DENND2A: variants seen among roughly 807,000 people sequenced by gnomAD.
The protein encoded by DENND2A is DENN domain-containing protein 2A.
A neutral mutation model predicts 105.3 loss-of-function variants in DENND2A; 53 were observed. The observed-to-expected ratio is 0.50, with a 90% confidence interval of 0.40 to 0.63. The LOEUF is 0.63. Among genes scored for constraint, DENND2A ranks in the 30% least tolerant of loss-of-function variants. The pLI, the probability that DENND2A is intolerant of heterozygous loss-of-function variation, is 0.00. For missense variants in DENND2A, 1,138 were observed against 1,279.6 expected (o/e 0.89, Z 1.69); for synonymous variants, 522 against 508.4 (o/e 1.03, Z -0.36).
chr7:140,608,282 G>T (rs183017087), intron 1 of DENND2A, among the ~76,000 whole-genome samples: 1 of 152,174 alleles, frequency 6.6e-6, no homozygotes, highest in African/African-American at 2.4e-5. Context: ...GAACCCCCCT[G>T]AACACTCAGC....
intron 1 of DENND2A, among the ~76,000 whole-genome samples, chr7:140,632,969 C>T (rs1273633197): frequency 6.6e-6 from 1 of 150,810 alleles, no homozygotes; most frequent in Non-Finnish European, 1.5e-5. Context: ...TCAAGCGATT[C>T]TCCTGCCTCA....
chr7:140,574,881 G>A (rs572751844), intron 5 of DENND2A, among the ~76,000 whole-genome samples: 28 of 151,968 alleles, frequency 1.8e-4, no homozygotes, highest in African/African-American at 6.3e-4. Context: ...TTAGCCAGGC[G>A]TGGTGGCGGG....
intron 14 of DENND2A, among the ~76,000 whole-genome samples, chr7:140,533,273 G>T (rs1796333185): frequency 6.6e-6 from 1 of 152,204 alleles, no homozygotes; most frequent in African/African-American, 2.4e-5. Context: ...TTACAGGCGT[G>T]AGCCACTGCA....
At chr7:140,597,529 A>T (rs545050272) in intron 3 of DENND2A, among the ~76,000 whole-genome samples, 24 of 152,238 alleles carry the variant, frequency 1.6e-4, no homozygotes, top group Non-Finnish European at 2.8e-4. Context: ...AATTGTTAAA[A>T]CACAGCTGAT....
intron 1 of DENND2A, among the ~76,000 whole-genome samples, chr7:140,617,190 C>T (rs1250457363): frequency 6.6e-6 from 1 of 152,214 alleles, no homozygotes; most frequent in Non-Finnish European, 1.5e-5. Flanking sequence ...GTAAATGCTT[C>T]TGTTTCAGAG....
chr7:140,605,444 T>C (rs1334447769), intron 2 of DENND2A, among the ~76,000 whole-genome samples: 3 of 152,182 alleles, frequency 2.0e-5, no homozygotes, highest in Non-Finnish European at 4.4e-5. Flanking sequence ...AAACCCAGAA[T>C]TGGAATGCGT....
chr7:140,542,599 T>C (rs1796714185), intron 14 of DENND2A, among the ~76,000 whole-genome samples: 1 of 150,176 alleles, frequency 6.7e-6, no homozygotes, highest in Non-Finnish European at 1.5e-5. Context: ...AGTTTCACTC[T>C]TGTTGCCCAG....
At position 140,537,888 on chromosome 7, in the gene DENND2A, T is replaced by C. The variant is rs145264758; in HGVS notation, c.2327+6730A>G. On this transcript the variant is annotated intron_variant, in intron 14 of 19. Transcript: ENST00000496613. ...CTGGTCTGTAGGTTTAGCCAAAACTTTGGGGAACTGAAATTAGTAAAGTAA... is the reference window on the plus strand; with the variant it reads ...CTGGTCTGTAGGTTTAGCCAAAACTCTGGGGAACTGAAATTAGTAAAGTAA... Among the ~76,000 whole-genome samples the C allele has an allele frequency of 6.2e-4, 94 of 152,272 alleles. 3 individuals carry two copies. Among genetic ancestry groups the C allele is most frequent in the African/African-American group, 2.1e-3 (89 of 41,558 alleles).
At chr7:140,582,447 A>G (rs751426118) in intron 5 of DENND2A, among the ~76,000 whole-genome samples, 44 of 152,318 alleles carry the variant, frequency 2.9e-4, no homozygotes, top group Middle Eastern at 6.8e-3. Context: ...CCCTATTCCA[A>G]TGAAAACACC....
chr7:140,620,438 T>C (rs1375900125), intron 1 of DENND2A, among the ~76,000 whole-genome samples: 2 of 152,002 alleles, frequency 1.3e-5, no homozygotes, highest in Non-Finnish European at 2.9e-5. Flanking sequence ...GTAACAGTAG[T>C]TGCCATTGGG....
At chr7:140,544,462 T>G in intron 14 of DENND2A, 156 bp downstream of exon 14, 14 of 922,074 alleles carry the variant, frequency 1.5e-5, no homozygotes, top group South Asian at 2.9e-5. Context: ...CTCAAAGTGC[T>G]GAGATTACAG....
At chr7:140,532,736 C>A (rs138461450) in intron 14 of DENND2A, among the ~76,000 whole-genome samples, 1 of 151,934 alleles carries the variant, frequency 6.6e-6, no homozygotes, top group Non-Finnish European at 1.5e-5. Context: ...AGGCACCCTA[C>A]GATCCAGGCA....
intron 12 of DENND2A, among the ~76,000 whole-genome samples, chr7:140,553,402 A>G (rs1451561486): frequency 1.3e-5 from 2 of 152,204 alleles, no homozygotes; most frequent in African/African-American, 2.4e-5. Flanking sequence ...CGAACGTACA[A>G]TCGGGTTTTA....
chr7:140,556,891 T>C (rs1199965838), intron 11 of DENND2A, among the ~76,000 whole-genome samples: 1 of 152,152 alleles, frequency 6.6e-6, no homozygotes, highest in Non-Finnish European at 1.5e-5. Context: ...ATGACAATTC[T>C]AAAATGCTTT....
At chr7:140,525,716 A>C in intron 16 of DENND2A, 35 bp downstream of exon 16, 1 of 1,585,720 alleles carries the variant, frequency 6.3e-7, no homozygotes, top group Non-Finnish European at 8.6e-7. Context: ...AGGTAAAGAC[A>C]AAGGGAGCAG....
At chr7:140,581,987 CAG>C (rs1437958616) in intron 5 of DENND2A, among the ~76,000 whole-genome samples, 1 of 146,624 alleles carries the variant, frequency 6.8e-6, no homozygotes, top group Admixed American at 6.8e-5. Context: ...TTTTTTGAGA[CAG>C]AGTTTCACTC....
Position 140,640,708 on chromosome 7 carries a change from G to T in DENND2A, c.-452C>A. On this transcript the variant is annotated 5_prime_UTR_variant, in exon 1 of 20. Coordinates refer to ENST00000496613, the MANE Select transcript of DENND2A (RefSeq NM_015689.5). This position sits in a 1 kb window ranked among gnomAD's most constrained non-coding sequence, Gnocchi z 4.9. ...GGTCCCCGCCGCGCGCGCTCCCGTG[G>T]GGTCCCCGCCGCCCCCGGCCCCAGC... 7.1e-6 allele frequency: 1 copy of T among 140,002 alleles called. No individual in the cohort carries two copies. Among genetic ancestry groups the T allele is most frequent in the South Asian group, 2.1e-4 (1 of 4,812 alleles). The allele number at this position is 140,002 out of a possible 1,614,324, so 8.7% of individuals were successfully genotyped here. A position where few individuals can be genotyped will look rare whatever the true frequency, so the allele number is the denominator to read the frequency against.
Position 140,539,171 on chromosome 7 carries a change from T to C in DENND2A, c.2327+5447A>G, listed in dbSNP as rs565037359. On this transcript the variant is annotated intron_variant, in intron 14 of 19. Coordinates refer to ENST00000496613, the MANE Select transcript of DENND2A (RefSeq NM_015689.5). Reference sequence around the variant, plus strand: ...AGGTCAGGCAACTTGCAGCCAACCATTGGTCCCCAAACCCTTGTTTGTCAT... The same window carrying C: ...AGGTCAGGCAACTTGCAGCCAACCACTGGTCCCCAAACCCTTGTTTGTCAT... Among the ~76,000 whole-genome samples the C allele has an allele frequency of 6.6e-5, 10 of 152,356 alleles. 3 individuals are homozygous for C. Among genetic ancestry groups the C allele is most frequent in the African/African-American group, 2.4e-4 (10 of 41,584 alleles).
In DENND2A at chr7:140,558,198, A is replaced by G; in HGVS notation, c.1904T>C (p.Phe635Ser). ...VQQFTSETFS[F>S]VLTGEDGSRR... ...GCTCCCATCTTCTCCAGTTAAGACAAATGAGAATGTTTCACTGTGGTTGGG... is the reference window on the plus strand; with the variant it reads ...GCTCCCATCTTCTCCAGTTAAGACAGATGAGAATGTTTCACTGTGGTTGGG... The change falls in exon 11 of 20, where the codon TTT (phenylalanine) becomes TCT (serine). Residue 635 changes from phenylalanine (F) to serine (S), a missense_variant. This residue lies in a region of DENND2A where 627 missense variants were observed against 779.8 expected (regional missense o/e 0.80). Transcript: ENST00000496613. The G allele has an allele frequency of 6.2e-7, 1 of 1,613,492 alleles. No homozygotes were observed. The highest frequency in any genetic ancestry group is 8.5e-7 in the Non-Finnish European group (1 of 1,179,476).
Sources: allele counts gnomAD v4.1 joint callset (sites outside exome capture counted in the v4.1 genomes callset), GRCh38; gene constraint gnomAD v4.1.1; regional missense constraint gnomAD v4.1.1; non-coding constraint Gnocchi (gnomAD v3.1); transcripts MANE v1.5; gene names NCBI Gene and HGNC (gene_info 2026-07-23, HGNC 2026-07-21).